Variants in IMMP2L observed in about 807,000 individuals in gnomAD.
The protein encoded by IMMP2L is inner mitochondrial membrane peptidase subunit 2.
Under a neutral mutation model 19.3 loss-of-function variants are expected in IMMP2L, and 18 were observed. The observed-to-expected ratio is 0.93, with a 90% confidence interval of 0.64 to 1.38. The LOEUF (loss-of-function observed/expected upper bound fraction) is 1.38. Among genes scored for constraint, IMMP2L ranks in the 40% most tolerant of loss-of-function variants. The pLI is 0.00. For synonymous variants in IMMP2L, 76 were observed against 73.0 expected, an observed-to-expected ratio of 1.04 and a Z score of -0.21; for missense variants, 233 against 218.2, an observed-to-expected ratio of 1.07 and a Z score of -0.43.
At chr7:110,706,643 G>C (rs1794702503) in intron 5 of IMMP2L, among the ~76,000 whole-genome samples, 1 of 152,062 alleles carries the variant, frequency 6.6e-6, no homozygotes, top group Non-Finnish European at 1.5e-5. Context: ...TTGGCTACTT[G>C]TATGTCTTCT....
At chr7:111,060,349 C>T (rs1016062861) in intron 3 of IMMP2L, among the ~76,000 whole-genome samples, 2 of 152,154 alleles carry the variant, frequency 1.3e-5, no homozygotes, top group Non-Finnish European at 2.9e-5. Flanking sequence ...ATTTTACATA[C>T]ATATTAATTA....
chr7:110,687,175 T>C (rs1793175905), intron 5 of IMMP2L, among the ~76,000 whole-genome samples: 1 of 151,966 alleles, frequency 6.6e-6, no homozygotes, highest in African/African-American at 2.4e-5. Context: ...TGCCCCCTAT[T>C]CCTGTTAAGT....
In IMMP2L at chr7:111,129,894, A is replaced by C. The variant is rs529540824; in HGVS notation, c.240-166329T>G. ...TATCCAATTATAAGAAAAATTATTAAGAGAAAAAACTTTTAAAAAGAATAT... is the reference window on the plus strand; with the variant it reads ...TATCCAATTATAAGAAAAATTATTACGAGAAAAAACTTTTAAAAAGAATAT... On this transcript the variant is annotated intron_variant, in intron 3 of 5. Transcript: ENST00000405709. 3.0e-4 allele frequency among the ~76,000 whole-genome samples: 45 copies of C among 152,326 alleles called. 2 individuals carry two copies. The highest frequency in any genetic ancestry group is 9.9e-4 in the African/African-American group (41 of 41,590).
intron 5 of IMMP2L, among the ~76,000 whole-genome samples, chr7:110,773,909 T>TTA (rs374364898): frequency 6.5e-5 from 9 of 138,506 alleles, no homozygotes; most frequent in African/African-American, 2.4e-4. Flanking sequence ...TTGGGTAAAA[T>TTA]AAAAAAAAAA....
At chr7:111,193,340 C>G (rs959761061) in intron 3 of IMMP2L, among the ~76,000 whole-genome samples, 5 of 151,996 alleles carry the variant, frequency 3.3e-5, no homozygotes, top group African/African-American at 9.7e-5. Flanking sequence ...TCTTCCCACT[C>G]TGAGAATCAG....
intron 5 of IMMP2L, among the ~76,000 whole-genome samples, chr7:110,700,181 A>T (rs999214222): frequency 1.3e-5 from 2 of 152,154 alleles, no homozygotes; most frequent in Non-Finnish European, 2.9e-5. Context: ...GTTTCAAGCC[A>T]CTACGTTTGT....
intron 3 of IMMP2L, among the ~76,000 whole-genome samples, chr7:111,345,877 G>A (rs1463236430): frequency 1.3e-5 from 2 of 152,132 alleles, no homozygotes; most frequent in African/African-American, 2.4e-5. Context: ...CACCCATGTG[G>A]CTATGCTCCT....
chr7:111,203,766 G>A (rs1774836340), intron 3 of IMMP2L, among the ~76,000 whole-genome samples: 1 of 151,598 alleles, frequency 6.6e-6, no homozygotes, highest in African/African-American at 2.4e-5. Flanking sequence ...AAGATCCTCG[G>A]GGTATTTATG....
At chr7:110,920,954 G>C (rs1430180536) in intron 4 of IMMP2L, among the ~76,000 whole-genome samples, 2 of 152,098 alleles carry the variant, frequency 1.3e-5, no homozygotes, top group African/African-American at 4.8e-5. Context: ...GATTTCATCA[G>C]TTTTTCCTGT....
intron 3 of IMMP2L, among the ~76,000 whole-genome samples, chr7:111,281,140 C>CAGAA (rs1819683375): frequency 1.6e-5 from 1 of 60,720 alleles, no homozygotes; most frequent in Non-Finnish European, 3.4e-5. Flanking sequence ...GAGAGAAAGA[C>CAGAA]AGAAAGACAG....
chr7:110,847,219 T>C (rs1805754504), intron 5 of IMMP2L, among the ~76,000 whole-genome samples: 1 of 152,148 alleles, frequency 6.6e-6, no homozygotes, highest in South Asian at 2.1e-4. Flanking sequence ...TTTCAATAAG[T>C]TTTAGGAGTT....
rs191547347 is a variant in IMMP2L at position 111,141,555 on chromosome 7, T to C, written c.240-177990A>G. Among the ~76,000 whole-genome samples the C allele has an allele frequency of 8.5e-4, 129 of 152,228 alleles. 1 individual carries two copies. Among genetic ancestry groups the C allele is most frequent in the African/African-American group, 2.6e-3 (110 of 41,522 alleles). On this transcript the variant is annotated intron_variant, in intron 3 of 5. Coordinates refer to ENST00000405709, the MANE Select transcript of IMMP2L (RefSeq NM_032549.4). ...CAATAATTTATTCCCAAACTGTCTA[T>C]AGAATTATAAATCTGCAAACATCTC...
At chr7:111,393,036 T>C (rs573815368) in intron 3 of IMMP2L, 7 of 332,018 alleles carry the variant, frequency 2.1e-5, no homozygotes, top group South Asian at 1.7e-4. Context: ...TGGCCATCAG[T>C]GATTAGCTCA....
intron 3 of IMMP2L, among the ~76,000 whole-genome samples, chr7:111,484,426 A>T (rs1297606323): frequency 6.6e-6 from 1 of 152,152 alleles, no homozygotes. Flanking sequence ...AAAAGGTTAT[A>T]CTGGTTTGTT....
intron 3 of IMMP2L, among the ~76,000 whole-genome samples, chr7:111,338,333 C>A (rs1042236415): frequency 4.6e-5 from 7 of 152,060 alleles, no homozygotes; most frequent in Non-Finnish European, 7.4e-5. Context: ...TTCCTCCCCC[C>A]CTTTTTTTGC....
At chr7:110,789,180 G>T (rs996581466) in intron 5 of IMMP2L, among the ~76,000 whole-genome samples, 3 of 151,768 alleles carry the variant, frequency 2.0e-5, no homozygotes, top group African/African-American at 7.3e-5. Context: ...CCCAGGCTTT[G>T]GGTCTTCCCA....
rs144591307 is a variant in IMMP2L, at chr7:111,266,092, A to G, written c.239+221146T>C. On this transcript the variant is annotated intron_variant, in intron 3 of 5. Coordinates refer to ENST00000405709, the MANE Select transcript of IMMP2L (RefSeq NM_032549.4). ...TTAAACATATATTAAAGCATATTTT[A>G]CTTACTTAGTTTATTGTCTGTCTTC... 1.2e-3 allele frequency among the ~76,000 whole-genome samples: 183 copies of G among 152,266 alleles called. 2 individuals carry two copies. The highest frequency in any genetic ancestry group is 4.1e-3 in the African/African-American group (171 of 41,582).
intron 3 of IMMP2L, among the ~76,000 whole-genome samples, chr7:111,354,685 T>C (rs1475102800): frequency 6.6e-6 from 1 of 151,702 alleles, no homozygotes; most frequent in Non-Finnish European, 1.5e-5. Flanking sequence ...TTTTGAAATA[T>C]GGTTGGAATC....
At chr7:110,712,167 G>A (rs1023287616) in intron 5 of IMMP2L, among the ~76,000 whole-genome samples, 1 of 135,086 alleles carries the variant, frequency 7.4e-6, no homozygotes, top group African/African-American at 2.6e-5. Flanking sequence ...TTTGATGATG[G>A]TGATGAACAG....
Sources: allele counts gnomAD v4.1 joint callset (sites outside exome capture counted in the v4.1 genomes callset), GRCh38; gene constraint gnomAD v4.1.1; transcripts MANE v1.5; gene names NCBI Gene and HGNC (gene_info 2026-07-23, HGNC 2026-07-21).